Variants in BTBD9 observed in about 807,000 individuals in gnomAD.
The protein encoded by BTBD9 is BTB domain containing 9.
Under a neutral mutation model 64.3 loss-of-function variants are expected in BTBD9, and 49 were observed. That is an observed-to-expected ratio of 0.76 (90% CI 0.61 to 0.97). The LOEUF (loss-of-function observed/expected upper bound fraction) is 0.97, where lower values mean the gene tolerates loss of function less well. Ranked by LOEUF, BTBD9 falls within the 50% of genes least tolerant of loss-of-function variation. BTBD9 has a pLI of 0.00. For missense variants in BTBD9, 598 were observed against 762.1 expected, an observed-to-expected ratio of 0.78 and a Z score of 2.53; for synonymous variants, 260 against 274.7, an observed-to-expected ratio of 0.95 and a Z score of 0.53.
chr6:38,280,049 G>T (rs971701964), intron 8 of BTBD9, among the ~76,000 whole-genome samples: 2 of 151,858 alleles, frequency 1.3e-5, no homozygotes, highest in Non-Finnish European at 2.9e-5. Context: ...CTTTTCCAAA[G>T]AACATCTGAA....
intron 6 of BTBD9, among the ~76,000 whole-genome samples, chr6:38,557,386 TCAGA>T (rs1454201839): frequency 2.0e-5 from 3 of 152,028 alleles, no homozygotes; most frequent in South Asian, 2.1e-4. Flanking sequence ...ACCTTTAGAG[TCAGA>T]CAGACCTCAG....
intron 1 of BTBD9, among the ~76,000 whole-genome samples, chr6:38,639,481 G>A (rs1348712169): frequency 6.6e-6 from 1 of 152,182 alleles, no homozygotes; most frequent in African/African-American, 2.4e-5. Flanking sequence ...TCTCAGACAG[G>A]ATACGAGACT....
At chr6:38,545,392 T>C (rs1038532580) in intron 6 of BTBD9, among the ~76,000 whole-genome samples, 2 of 152,196 alleles carry the variant, frequency 1.3e-5, no homozygotes, top group East Asian at 1.9e-4. Flanking sequence ...CTTTGACTTA[T>C]GTTTAAAAAG....
intron 7 of BTBD9, among the ~76,000 whole-genome samples, chr6:38,335,796 C>T (rs1407864893): frequency 6.6e-6 from 1 of 151,832 alleles, no homozygotes; most frequent in Non-Finnish European, 1.5e-5. Flanking sequence ...TGCAGTGGCA[C>T]AATCTTGGCT....
intron 6 of BTBD9, among the ~76,000 whole-genome samples, chr6:38,356,729 T>C (rs1192629745): frequency 6.6e-6 from 1 of 152,146 alleles, no homozygotes; most frequent in African/African-American, 2.4e-5. Context: ...CTCATAGACT[T>C]TTAGCTTCAT....
intron 1 of BTBD9, among the ~76,000 whole-genome samples, chr6:38,615,515 C>T (rs1582721058): frequency 6.6e-6 from 1 of 152,298 alleles, no homozygotes; most frequent in Non-Finnish European, 1.5e-5. Context: ...TCCTTAAACA[C>T]AGTCAAAGCT....
chr6:38,270,778 A>G (rs994291639), intron 8 of BTBD9, among the ~76,000 whole-genome samples: 1 of 152,212 alleles, frequency 6.6e-6, no homozygotes, highest in Non-Finnish European at 1.5e-5. Flanking sequence ...AAGGGTTGCA[A>G]TGACTCTCCT....
intron 7 of BTBD9, among the ~76,000 whole-genome samples, chr6:38,337,181 C>T (rs1763925084): frequency 6.6e-6 from 1 of 152,328 alleles, no homozygotes; most frequent in East Asian, 1.9e-4. Context: ...ACTGAACTTC[C>T]TCACACCCAA....
chr6:38,617,374 G>C (rs911571069), intron 1 of BTBD9, among the ~76,000 whole-genome samples: 2 of 152,128 alleles, frequency 1.3e-5, no homozygotes, highest in African/African-American at 4.8e-5. Context: ...ATGCCTCTCA[G>C]AGAAGTTCCT....
intron 6 of BTBD9, among the ~76,000 whole-genome samples, chr6:38,434,816 C>A (rs1768634366): frequency 6.6e-6 from 1 of 151,924 alleles, no homozygotes. Flanking sequence ...TATATGTATA[C>A]TACAGTCCCG....
At chr6:38,364,383 T>C (rs1562081539) in intron 6 of BTBD9, among the ~76,000 whole-genome samples, 1 of 152,350 alleles carries the variant, frequency 6.6e-6, no homozygotes, top group South Asian at 2.1e-4. Context: ...TCATCATGCA[T>C]CTGCAGTTTG....
chr6:38,456,743 A>G (rs1387067684), intron 6 of BTBD9, among the ~76,000 whole-genome samples: 1 of 152,142 alleles, frequency 6.6e-6, no homozygotes, highest in Non-Finnish European at 1.5e-5. Context: ...AGTTCTTTAT[A>G]TATTTTGGGT....
rs546432512 is a variant in BTBD9, at chr6:38,473,125, G to T, written c.1154+104475C>A. Among the ~76,000 whole-genome samples the T allele has an allele frequency of 2.0e-5, 3 of 152,248 alleles. No individual in the cohort carries two copies. In the East Asian group the frequency reaches 5.8e-4, roughly 29 times the overall value. ...CCAAACAGAACAAGAAGTCTTCAGG[G>T]ATTCAGTAATAGAGATGACAGAATG... is the stretch of plus-strand genomic sequence containing the variant. On this transcript the variant is annotated intron_variant, in intron 6 of 10. Transcript: ENST00000481247.
In BTBD9 at chr6:38,413,448, A is replaced by G. The variant is rs146558123; in HGVS notation, c.1155-68355T>C. On this transcript the variant is annotated intron_variant, in intron 6 of 10. Coordinates refer to ENST00000481247, the MANE Select transcript of BTBD9 (RefSeq NM_001099272.2). The stretch of plus-strand genomic sequence containing the variant: ...TGGCATCCAATTTTTATTTCCTTAC[A>G]CTGTATAGGCCAAACAAAAATGCCA... Among the ~76,000 whole-genome samples the G allele has an allele frequency of 9.7e-4, 148 of 152,278 alleles. 2 individuals are homozygous for G. The East Asian group carries it at 0.015, about 16-fold the overall frequency.
chr6:38,318,650 T>C (rs1020886025), intron 7 of BTBD9, among the ~76,000 whole-genome samples: 3 of 151,718 alleles, frequency 2.0e-5, no homozygotes, highest in Non-Finnish European at 4.4e-5. Context: ...CTCTGCTTCA[T>C]GCTGGGGGAA....
chr6:38,529,589 G>A (rs931591080), intron 6 of BTBD9, among the ~76,000 whole-genome samples: 4 of 152,184 alleles, frequency 2.6e-5, no homozygotes, highest in South Asian at 2.1e-4. Flanking sequence ...CACATGTTGC[G>A]GGAAGTCAGG....
At chr6:38,359,362 T>C (rs1764863392) in intron 6 of BTBD9, among the ~76,000 whole-genome samples, 1 of 152,066 alleles carries the variant, frequency 6.6e-6, no homozygotes, top group Non-Finnish European at 1.5e-5. Context: ...CACTCTTCAG[T>C]CTAACAGACG....
At chr6:38,417,716 T>G (rs932520346) in intron 6 of BTBD9, among the ~76,000 whole-genome samples, 19 of 150,342 alleles carry the variant, frequency 1.3e-4, no homozygotes, top group Admixed American at 1.2e-3. Flanking sequence ...GAGGCTGCAG[T>G]GAGCCCTGAT....
At chr6:38,597,835 A>C (rs1777099210) in intron 2 of BTBD9, 75 bp downstream of exon 2, 1 of 1,285,330 alleles carries the variant, frequency 7.8e-7, no homozygotes. Flanking sequence ...TTGGTTATAT[A>C]TTTTTCATAG....
Sources: gnomAD v4.1 joint callset for allele counts (sites outside exome capture counted in the v4.1 genomes callset) on GRCh38, gnomAD v4.1.1 for gene constraint, MANE v1.5 for transcripts, NCBI Gene and HGNC (gene_info 2026-07-23, HGNC 2026-07-21) for gene names.